Variants in NXPH1 observed in about 807,000 individuals in gnomAD.
The protein encoded by NXPH1 is neurexophilin-1.
NXPH1 carries 5 observed loss-of-function variants against 23.7 expected under a neutral mutation model. That is an observed-to-expected ratio of 0.21 (90% CI 0.11 to 0.44). The LOEUF is 0.44. Ranked by LOEUF, NXPH1 falls within the 20% of genes least tolerant of loss-of-function variation. The pLI, the probability that NXPH1 is intolerant of heterozygous loss-of-function variation, is 0.99. For missense variants in NXPH1, 324 were observed against 321.6 expected (o/e 1.01, Z -0.06); for synonymous variants, 144 against 122.2 (o/e 1.18, Z -1.18).
chr7:8,730,901 G>GC (rs1436004703), intron 2 of NXPH1, among the ~76,000 whole-genome samples: 1 of 151,188 alleles, frequency 6.6e-6, no homozygotes, highest in Non-Finnish European at 1.5e-5. Context: ...TTGCTAGATT[G>GC]GGGATGTTCT....
At chr7:8,742,488 GC>G (rs1404427792) in intron 2 of NXPH1, among the ~76,000 whole-genome samples, 1 of 150,912 alleles carries the variant, frequency 6.6e-6, no homozygotes, top group Non-Finnish European at 1.5e-5. Context: ...AAGGTGATGT[GC>G]ATTGTAGAAT....
At chr7:8,537,094 C>A (rs1364984678) in intron 2 of NXPH1, among the ~76,000 whole-genome samples, 3 of 151,932 alleles carry the variant, frequency 2.0e-5, no homozygotes, top group African/African-American at 4.8e-5. Flanking sequence ...ATTGTGAACT[C>A]CTTCTCAGCA....
intron 2 of NXPH1, among the ~76,000 whole-genome samples, chr7:8,733,757 T>A (rs1485828857): frequency 6.6e-6 from 1 of 152,150 alleles, no homozygotes; most frequent in Non-Finnish European, 1.5e-5. Flanking sequence ...GTTTAAGTTA[T>A]TTGTAGATTC....
intron 2 of NXPH1, among the ~76,000 whole-genome samples, chr7:8,564,942 C>T (rs1247230765): frequency 6.6e-6 from 1 of 151,714 alleles, no homozygotes; most frequent in African/African-American, 2.4e-5. Flanking sequence ...GAATCTTTTT[C>T]TCTTATTTGC....
At chr7:8,654,461 G>A (rs138228163) in intron 2 of NXPH1, among the ~76,000 whole-genome samples, 39 of 152,208 alleles carry the variant, frequency 2.6e-4, no homozygotes, top group African/African-American at 9.4e-4. Context: ...TTCTATTGAA[G>A]GAATATATAA....
intron 2 of NXPH1, among the ~76,000 whole-genome samples, chr7:8,592,632 A>G (rs1028840588): frequency 1.3e-5 from 2 of 152,024 alleles, no homozygotes; most frequent in African/African-American, 2.4e-5. Context: ...TGTTTCCACA[A>G]TGGGCCAGAT....
intron 2 of NXPH1, among the ~76,000 whole-genome samples, chr7:8,633,191 G>A (rs1406084047): frequency 6.6e-6 from 1 of 152,198 alleles, no homozygotes; most frequent in Non-Finnish European, 1.5e-5. Context: ...CCGTCACTTT[G>A]GGAGGATGAG....
At chr7:8,458,336 G>T (rs972649475) in intron 2 of NXPH1, among the ~76,000 whole-genome samples, 6 of 152,184 alleles carry the variant, frequency 3.9e-5, no homozygotes, top group Non-Finnish European at 4.4e-5. Flanking sequence ...ACAGATTCAT[G>T]CTGTGGTTGA....
At chr7:8,705,699 T>C (rs1268071509) in intron 2 of NXPH1, among the ~76,000 whole-genome samples, 3 of 152,156 alleles carry the variant, frequency 2.0e-5, no homozygotes, top group Non-Finnish European at 4.4e-5. Flanking sequence ...CAGTAATTGA[T>C]CTGGGCAATA....
At chr7:8,527,062 G>C (rs964657341) in intron 2 of NXPH1, among the ~76,000 whole-genome samples, 3 of 152,068 alleles carry the variant, frequency 2.0e-5, no homozygotes, top group African/African-American at 7.2e-5. Flanking sequence ...AAAAAAAATG[G>C]GTAGAATTTT....
chr7:8,732,812 A>G (rs1780181552), intron 2 of NXPH1, among the ~76,000 whole-genome samples: 1 of 152,126 alleles, frequency 6.6e-6, no homozygotes, highest in East Asian at 1.9e-4. Flanking sequence ...CTAGGATACA[A>G]CTATTTACTA....
intron 2 of NXPH1, among the ~76,000 whole-genome samples, chr7:8,698,708 A>T (rs1323372719): frequency 1.3e-5 from 2 of 152,174 alleles, no homozygotes; most frequent in African/African-American, 4.8e-5. Flanking sequence ...ATAAGTTGAG[A>T]ACCACAGATC....
Position 8,465,609 on chromosome 7 carries a change from G to A in NXPH1, c.54+29842G>A, listed in dbSNP as rs1022980357. Among the ~76,000 whole-genome samples, 4 of 152,238 alleles carry A rather than the reference G, an allele frequency of 2.6e-5. No homozygotes were observed. In the South Asian group the frequency reaches 6.2e-4, roughly 24 times the overall value. On this transcript the variant is annotated intron_variant, in intron 2 of 2. Coordinates refer to ENST00000405863, the MANE Select transcript of NXPH1 (RefSeq NM_152745.3). ...ATTGCAAAGCAGGGGGCATTTTCAC[G>A]GTCGCTTTCCAGCTGTTGGCTGTTA...
chr7:8,709,289 GT>G (rs2115195108), intron 2 of NXPH1, among the ~76,000 whole-genome samples: 2 of 152,064 alleles, frequency 1.3e-5, no homozygotes, highest in South Asian at 4.2e-4. Flanking sequence ...TGATTTGTAT[GT>G]CATTCACATG....
intron 2 of NXPH1, among the ~76,000 whole-genome samples, chr7:8,543,112 A>G (rs1320643658): frequency 6.6e-6 from 1 of 151,580 alleles, no homozygotes; most frequent in African/African-American, 2.4e-5. Context: ...TGGTTCTACC[A>G]TGTATGTGTA....
intron 2 of NXPH1, among the ~76,000 whole-genome samples, chr7:8,482,466 C>T (rs1817091297): frequency 6.6e-6 from 1 of 152,288 alleles, no homozygotes; most frequent in East Asian, 1.9e-4. Context: ...CTCTTTTGGG[C>T]TTCCAAGCTT....
chr7:8,446,450 C>T (rs1048672964), intron 2 of NXPH1, among the ~76,000 whole-genome samples: 6 of 152,176 alleles, frequency 3.9e-5, no homozygotes, highest in African/African-American at 7.2e-5. Context: ...TCTAACATTG[C>T]TTTATTATTT....
intron 2 of NXPH1, among the ~76,000 whole-genome samples, chr7:8,517,776 A>T (rs972412376): frequency 6.6e-6 from 1 of 152,140 alleles, no homozygotes; most frequent in African/African-American, 2.4e-5. Flanking sequence ...ACATTTACAG[A>T]GGCAGTTCCT....
intron 2 of NXPH1, among the ~76,000 whole-genome samples, chr7:8,690,653 G>C (rs371503981): frequency 2.6e-5 from 4 of 152,292 alleles, no homozygotes; most frequent in African/African-American, 9.6e-5. Flanking sequence ...AAGTGCATTT[G>C]GAACAAAGGA....
Sources: allele counts gnomAD v4.1 joint callset (sites outside exome capture counted in the v4.1 genomes callset), GRCh38; gene constraint gnomAD v4.1.1; transcripts MANE v1.5; gene names NCBI Gene and HGNC (gene_info 2026-07-23, HGNC 2026-07-21).